The following PAN3 variants were observed in gnomAD, a reference collection of about 807,000 sequenced individuals.
The protein encoded by PAN3 is poly(A) specific ribonuclease subunit PAN3.
A neutral mutation model predicts 96.2 loss-of-function variants in PAN3; 19 were observed. The ratio of observed to expected loss-of-function variants is 0.20; its 90% CI spans 0.14 to 0.29. The LOEUF is 0.29. Ranked by LOEUF, PAN3 falls within the 10% of genes least tolerant of loss-of-function variation. The pLI, the probability that PAN3 is intolerant of heterozygous loss-of-function variation, is 1.00. For synonymous variants in PAN3, 433 were observed against 406.6 expected, an observed-to-expected ratio of 1.06 and a Z score of -0.78; for missense variants, 882 against 1,108.1, an observed-to-expected ratio of 0.80 and a Z score of 2.90.
chr13:28,187,799 C>T (rs1876683242), intron 4 of PAN3, among the ~76,000 whole-genome samples: 1 of 152,086 alleles, frequency 6.6e-6, no homozygotes, highest in Non-Finnish European at 1.5e-5. Flanking sequence ...TTCAAGTGAT[C>T]CTCCTGTCTC....
At chr13:28,213,664 C>T (rs1346077065) in intron 5 of PAN3, among the ~76,000 whole-genome samples, 2 of 143,874 alleles carry the variant, frequency 1.4e-5, no homozygotes, top group East Asian at 4.2e-4. Flanking sequence ...TCTTGTGAGT[C>T]TCACATTATG....
intron 4 of PAN3, among the ~76,000 whole-genome samples, chr13:28,185,066 G>A (rs994347962): frequency 2.6e-5 from 4 of 152,012 alleles, no homozygotes; most frequent in East Asian, 1.9e-4. Context: ...TTAGTAATTC[G>A]AATATAAAGG....
chr13:28,235,694 C>T (rs200514683), intron 6 of PAN3, among the ~76,000 whole-genome samples: 1,494 of 91,248 alleles, frequency 0.016, 18 homozygotes, highest in Non-Finnish European at 0.027. Context: ...CACACACACA[C>T]ATACACACAC....
intron 13 of PAN3, among the ~76,000 whole-genome samples, chr13:28,271,591 A>G (rs374214278): frequency 6.6e-6 from 1 of 152,310 alleles, no homozygotes; most frequent in African/African-American, 2.4e-5. Context: ...TTATTGAGGG[A>G]TTTGAATGAG....
chr13:28,175,939 A>G (rs1485604021), intron 2 of PAN3, among the ~76,000 whole-genome samples: 1 of 152,204 alleles, frequency 6.6e-6, no homozygotes, highest in African/African-American at 2.4e-5. Context: ...TTTTTAAGGC[A>G]TTGAGTTAGA....
chr13:28,173,269 G>A (rs4771226), intron 1 of PAN3, among the ~76,000 whole-genome samples: 152,329 of 152,334 alleles, frequency 1, 76,162 homozygotes, highest in Non-Finnish European at 1. Flanking sequence ...TGCATTCTTC[G>A]GATAATAAAT....
intron 1 of PAN3, among the ~76,000 whole-genome samples, chr13:28,139,938 G>GTTC (rs1869464805): frequency 6.9e-6 from 1 of 144,884 alleles, no homozygotes; most frequent in Non-Finnish European, 1.5e-5. Context: ...TTTTTCATGT[G>GTTC]TTGTTGTTGT....
rs2138673680 is a variant in PAN3, at chr13:28,271,900, G to C, written c.1959-81G>C. 3.2e-6 allele frequency: 3 copies of C among 948,972 alleles called. No homozygotes were observed. The East Asian group carries it at 8.8e-5, about 28-fold the overall frequency. 58.8% of individuals were successfully genotyped at this position (948,972 alleles called of 1,614,324 possible). ...TTCTGAGATCCTTCCTAATATTTTG[G>C]GAAATGTTACTTTTCCATGAGTATG... On this transcript the variant is annotated intron_variant, in intron 13 of 18. Coordinates refer to ENST00000380958, the MANE Select transcript of PAN3 (RefSeq NM_175854.8).
chr13:28,208,172 TAGAA>T (rs894290425), intron 5 of PAN3, among the ~76,000 whole-genome samples: 36 of 152,316 alleles, frequency 2.4e-4, no homozygotes, highest in South Asian at 6.2e-4. Context: ...GATTCTTTGT[TAGAA>T]AGAATACATC....
At chr13:28,284,284 C>G (rs906827802) in intron 17 of PAN3, among the ~76,000 whole-genome samples, 4 of 151,946 alleles carry the variant, frequency 2.6e-5, no homozygotes, top group African/African-American at 9.7e-5. Context: ...TTCTTATGTC[C>G]TGTTCAATTC....
intron 6 of PAN3, among the ~76,000 whole-genome samples, chr13:28,251,978 C>T: frequency 6.7e-6 from 1 of 148,632 alleles, no homozygotes; most frequent in East Asian, 2.0e-4. Flanking sequence ...ACCTCCACCT[C>T]CCAGGGTCAA....
intron 1 of PAN3, among the ~76,000 whole-genome samples, chr13:28,157,340 ATAGTACTAG>A (rs1435419000): frequency 6.6e-5 from 10 of 152,314 alleles, no homozygotes; most frequent in Non-Finnish European, 1.0e-4. Context: ...GCTATTCGAC[ATAGTACTAG>A]AAGTCCTAGC....
intron 7 of PAN3, among the ~76,000 whole-genome samples, chr13:28,260,010 A>G (rs1885561334): frequency 6.6e-6 from 1 of 152,204 alleles, no homozygotes; most frequent in African/African-American, 2.4e-5. Flanking sequence ...TTTTACTTCA[A>G]TATTATTTAA....
chr13:28,219,262 G>A lies in PAN3; in HGVS notation c.853-969G>A, dbSNP rs936728164. On this transcript the variant is annotated intron_variant, in intron 5 of 18. Coordinates refer to ENST00000380958, the MANE Select transcript of PAN3 (RefSeq NM_175854.8). ...GTGGCAGTAAAAGATTGATTCTGTA[G>A]TTCTAGTGTATTTTAATTAAGCCCA... 2.6e-5 allele frequency among the ~76,000 whole-genome samples: 4 copies of A among 152,134 alleles called. No homozygotes were observed. In the South Asian group the frequency reaches 8.3e-4, roughly 31 times the overall value.
chr13:28,167,081 AAT>A (rs1873647973), intron 1 of PAN3, among the ~76,000 whole-genome samples: 1 of 127,618 alleles, frequency 7.8e-6, no homozygotes. Flanking sequence ...TTTTTATCTT[AAT>A]TTTTTTTTTT....
At chr13:28,276,758 A>G (rs1887091247) in intron 14 of PAN3, among the ~76,000 whole-genome samples, 1 of 152,216 alleles carries the variant, frequency 6.6e-6, no homozygotes, top group Non-Finnish European at 1.5e-5. Flanking sequence ...ATAATCCTTC[A>G]CATTCCCACT....
chr13:28,273,130 T>C (rs1886770274), intron 14 of PAN3, among the ~76,000 whole-genome samples: 1 of 152,238 alleles, frequency 6.6e-6, no homozygotes, highest in Admixed American at 6.5e-5. Context: ...AATTTTTTTA[T>C]TTAGTCAGAA....
intron 5 of PAN3, among the ~76,000 whole-genome samples, chr13:28,208,756 G>C (rs1879677918): frequency 6.6e-6 from 1 of 152,014 alleles, no homozygotes; most frequent in Non-Finnish European, 1.5e-5. Context: ...CTATTCTTTG[G>C]ATACAGATTA....
intron 1 of PAN3, among the ~76,000 whole-genome samples, chr13:28,146,623 G>T (rs1321851631): frequency 1.3e-5 from 2 of 152,118 alleles, no homozygotes; most frequent in African/African-American, 4.8e-5. Context: ...AATTTGTACA[G>T]CCTGTTACTG....
Sources: gnomAD v4.1 joint callset for allele counts (sites outside exome capture counted in the v4.1 genomes callset) on GRCh38, gnomAD v4.1.1 for gene constraint, MANE v1.5 for transcripts, NCBI Gene and HGNC (gene_info 2026-07-23, HGNC 2026-07-21) for gene names.